AHCY: variants seen among roughly 807,000 people sequenced by gnomAD.
AHCY encodes S-adenosyl-L-homocysteine hydrolase.
In AHCY, 24 loss-of-function variants were observed where a neutral mutation model predicts 45.4. The ratio of observed to expected loss-of-function variants is 0.53; its 90% confidence interval spans 0.38 to 0.74. The LOEUF (loss-of-function observed/expected upper bound fraction) is 0.74, where lower values mean the gene tolerates loss of function less well. Ranked by LOEUF, AHCY falls within the 30% of genes least tolerant of loss-of-function variation. The probability of loss-of-function intolerance (pLI) is 0.00; values close to 1 mark genes in which losing one functional copy is unlikely to be tolerated. For synonymous variants in AHCY, 245 were observed against 235.1 expected (o/e 1.04, Z -0.39); for missense variants, 449 against 594.1 (o/e 0.76, Z 2.54).
At chr20:34,234,490 T>C in the AHCY span, among the ~76,000 whole-genome samples, 1 of 151,668 alleles carries the variant, frequency 6.6e-6, no homozygotes, top group African/African-American at 2.4e-5. Context: ...CTTTTCTCTT[T>C]TCTTTTCTTT....
upstream of AHCY, among the ~76,000 whole-genome samples, chr20:34,307,269 T>C (rs2036905331): frequency 6.6e-6 from 1 of 151,900 alleles, no homozygotes; most frequent in African/African-American, 2.4e-5. Flanking sequence ...TTTATATTTT[T>C]AGTAGAGATG....
chr20:34,285,720 A>G, intron 8 of AHCY, 86 bp from the exon 9 acceptor site: 1 of 1,485,392 alleles, frequency 6.7e-7, no homozygotes, highest in African/African-American at 1.4e-5. Flanking sequence ...CTCTGCCTCC[A>G]ACAGTGCCCA....
At chr20:34,246,566 G>T in the AHCY span, 1 of 814,794 alleles carries the variant, frequency 1.2e-6, no homozygotes. Flanking sequence ...CCGGGCTCAA[G>T]CAATCCTCCC....
the AHCY span, among the ~76,000 whole-genome samples, chr20:34,261,416 T>C: frequency 6.6e-6 from 1 of 152,196 alleles, no homozygotes; most frequent in Admixed American, 6.5e-5. Flanking sequence ...GGCAGATCTC[T>C]TGAGCTCAGG....
chr20:34,297,146 T>C (rs927782504), intron 1 of AHCY, among the ~76,000 whole-genome samples: 7 of 152,072 alleles, frequency 4.6e-5, no homozygotes, highest in Non-Finnish European at 7.4e-5. Flanking sequence ...TACCAATTTC[T>C]AGTGTCCCTT....
At chr20:34,257,076 T>TTG in the AHCY span, among the ~76,000 whole-genome samples, 4 of 151,110 alleles carry the variant, frequency 2.6e-5, no homozygotes, top group African/African-American at 4.9e-5. Flanking sequence ...TTCTCTTTTT[T>TTG]TTTTTTGTTT....
At chr20:34,250,404 GC>G in the AHCY span, among the ~76,000 whole-genome samples, 4 of 152,232 alleles carry the variant, frequency 2.6e-5, no homozygotes, top group Non-Finnish European at 5.9e-5. Context: ...GTGCAGTGGT[GC>G]CCCTATAGTC....
chr20:34,248,887 C>T, the AHCY span, among the ~76,000 whole-genome samples: 11 of 151,070 alleles, frequency 7.3e-5, no homozygotes, highest in African/African-American at 2.4e-4. Flanking sequence ...AGCAATTCAA[C>T]GTTCGAAGAG....
upstream of AHCY, among the ~76,000 whole-genome samples, chr20:34,307,505 T>TGGGATTACA (rs1184601760): frequency 6.6e-6 from 1 of 152,228 alleles, no homozygotes; most frequent in Non-Finnish European, 1.5e-5. Flanking sequence ...CCTGAGCAGC[T>TGGGATTACA]GGGATTACAG....
chr20:34,308,446 A>G (rs1261735604), intron 1 of AHCY, among the ~76,000 whole-genome samples: 1 of 152,158 alleles, frequency 6.6e-6, no homozygotes, highest in East Asian at 1.9e-4. Context: ...GTTACTTGTG[A>G]GGCTGAGGCA....
chr20:34,284,255 G>A (rs2036098175), intron 9 of AHCY, among the ~76,000 whole-genome samples: 3 of 152,080 alleles, frequency 2.0e-5, no homozygotes, highest in African/African-American at 7.2e-5. Flanking sequence ...CACCTCCTGG[G>A]TTCAAGCAAT....
At chr20:34,261,977 G>A in the AHCY span, among the ~76,000 whole-genome samples, 1 of 151,950 alleles carries the variant, frequency 6.6e-6, no homozygotes, top group Non-Finnish European at 1.5e-5. Context: ...GCCAGGTGTG[G>A]TGGTACATGC....
At chr20:34,287,326 GT>G (rs752053179) in intron 8 of AHCY, among the ~76,000 whole-genome samples, 13 of 152,078 alleles carry the variant, frequency 8.5e-5, no homozygotes, top group Non-Finnish European at 1.9e-4. Context: ...TACTAAGAGT[GT>G]GGGCATTGCC....
chr20:34,249,973 G>A, the AHCY span: 2 of 152,204 alleles, frequency 1.3e-5, no homozygotes, highest in Non-Finnish European at 2.9e-5. Flanking sequence ...CTGATCAAAG[G>A]AAAGCCTGCC....
chr20:34,294,744 C>G (rs2036516501), intron 2 of AHCY, among the ~76,000 whole-genome samples: 2 of 152,128 alleles, frequency 1.3e-5, no homozygotes, highest in Non-Finnish European at 2.9e-5. Context: ...GCGTCAACGC[C>G]CCCGCTCCTG....
the AHCY span, among the ~76,000 whole-genome samples, chr20:34,273,650 G>A: frequency 2.6e-5 from 4 of 152,178 alleles, no homozygotes; most frequent in Non-Finnish European, 4.4e-5. Flanking sequence ...TCCCATTTGC[G>A]AAGAGGACAG....
At chr20:34,291,568 C>T (rs765364198) in intron 4 of AHCY, 37 bp from the exon 5 acceptor site, 3 of 1,557,982 alleles carry the variant, frequency 1.9e-6, no homozygotes, top group Non-Finnish European at 2.7e-6. Context: ...TCAGAGATGC[C>T]ACACCTGTGC....
the AHCY span, among the ~76,000 whole-genome samples, chr20:34,258,753 A>ATT: frequency 4.8e-5 from 4 of 84,060 alleles, 1 homozygote; most frequent in Non-Finnish European, 7.8e-5. Flanking sequence ...TACTATATAT[A>ATT]ATATATGATA....
the AHCY span, among the ~76,000 whole-genome samples, chr20:34,245,061 C>T: frequency 6.6e-6 from 1 of 152,064 alleles, no homozygotes; most frequent in Admixed American, 6.6e-5. Context: ...TCAGGCCGGG[C>T]ACAGTGGCTC....
Sources: gnomAD v4.1 joint callset for allele counts (sites outside exome capture counted in the v4.1 genomes callset) on GRCh38, gnomAD v4.1.1 for gene constraint, MANE v1.5 for transcripts, NCBI Gene and HGNC (gene_info 2026-07-23, HGNC 2026-07-21) for gene names.